IMMP1L: variants seen among roughly 807,000 people sequenced by gnomAD.
IMMP1L encodes inner mitochondrial membrane peptidase subunit 1, also known as mitochondrial inner membrane protease subunit 1.
In IMMP1L, 24 loss-of-function variants were observed where a neutral mutation model predicts 21.8. That is an observed-to-expected ratio of 1.10 (90% CI 0.80 to 1.55). The LOEUF is 1.55. IMMP1L is among the 40% of genes most tolerant of loss of function. The pLI is 0.00. For missense variants in IMMP1L, 195 were observed against 200.7 expected (o/e 0.97, Z 0.17); for synonymous variants, 46 against 62.8 (o/e 0.73, Z 1.26).
Position 31,467,527 on chromosome 11 carries a change from GACA to G in IMMP1L, c.-29-4225_-29-4223del, listed in dbSNP as rs1012806692. Among the ~76,000 whole-genome samples the G allele has an allele frequency of 3.3e-5, 5 of 152,068 alleles. No homozygotes were observed. In the Middle Eastern group the frequency reaches 0.01, roughly 310 times the overall value. ...GTAATTGATAATACATTAAATTTGA[GACA>G]ACATAAGCCTAAAAATAGTAACAGT... On this transcript the variant is annotated intron_variant, in intron 1 of 5. Transcript: ENST00000532287.
chr11:31,456,376 C>A lies in IMMP1L; in HGVS notation c.205G>T (p.Val69Leu). The change falls in exon 4 of 6, where the codon GTG becomes TTG. Residue 69 changes from valine (V) to leucine (L), a missense_variant. Val to Leu is a conservative substitution (Grantham distance 32). Coordinates refer to ENST00000532287, the MANE Select transcript of IMMP1L (RefSeq NM_001304274.2). ...HFYGIQRGDI[V>L]IAKSPSDPKS... is the part of the protein sequence containing the mutation. ...GGATCACTTGGGCTTTTTGCAATCA[C>A]AATGTCACCTCTGAGGGGGAAAAGT... 1 of 1,611,200 alleles carries A rather than the reference C, an allele frequency of 6.2e-7. No individual in the cohort carries two copies. Among genetic ancestry groups the A allele is most frequent in the Non-Finnish European group, 8.5e-7 (1 of 1,178,052 alleles).
chr11:31,508,018 G>A (rs1375272809), intron 1 of IMMP1L, among the ~76,000 whole-genome samples: 1 of 152,064 alleles, frequency 6.6e-6, no homozygotes, highest in East Asian at 1.9e-4. Context: ...TGTAGGGGTG[G>A]GGGGACAGAG....
At chr11:31,448,245 G>A (rs772512665) in intron 4 of IMMP1L, among the ~76,000 whole-genome samples, 19 of 152,290 alleles carry the variant, frequency 1.2e-4, no homozygotes, top group Non-Finnish European at 2.4e-4. Flanking sequence ...GAAGGCAGAG[G>A]TTGCAGTGAG....
At chr11:31,484,020 T>C (rs181126812) in intron 1 of IMMP1L, among the ~76,000 whole-genome samples, 1 of 152,022 alleles carries the variant, frequency 6.6e-6, no homozygotes, top group East Asian at 1.9e-4. Context: ...TTATAGTTTG[T>C]TTAATTTGTA....
chr11:31,453,491 G>T (rs1288874854), intron 4 of IMMP1L, among the ~76,000 whole-genome samples: 1 of 152,176 alleles, frequency 6.6e-6, no homozygotes, highest in African/African-American at 2.4e-5. Context: ...GCAGAGGTAA[G>T]GGGAAGAAAC....
rs188833242 is a variant in IMMP1L at position 31,495,574 on chromosome 11, C to T, written c.-30+13945G>A. Among the ~76,000 whole-genome samples, 88 of 152,286 alleles carry T rather than the reference C, an allele frequency of 5.8e-4. 1 individual carries two copies. Among genetic ancestry groups the T allele is most frequent in the African/African-American group, 7.7e-4 (32 of 41,564 alleles). On this transcript the variant is annotated intron_variant, in intron 1 of 5. Coordinates refer to ENST00000532287, the MANE Select transcript of IMMP1L (RefSeq NM_001304274.2). ...TACACTCATGGCGAAAGGACTTACACGCTGATTTCAAATGTTGATATTATT... is the reference window on the plus strand; with the variant it reads ...TACACTCATGGCGAAAGGACTTACATGCTGATTTCAAATGTTGATATTATT...
intron 4 of IMMP1L, among the ~76,000 whole-genome samples, chr11:31,439,063 A>AT (rs1953225068): frequency 6.6e-6 from 1 of 151,894 alleles, no homozygotes; most frequent in Admixed American, 6.6e-5. Flanking sequence ...TATGTAATAT[A>AT]TTTTTTCTCT....
intron 1 of IMMP1L, chr11:31,477,019 T>TTA (rs1445749560): frequency 1.9e-4 from 29 of 152,124 alleles, no homozygotes; most frequent in Non-Finnish European, 1.2e-4. Context: ...CTCTATACTT[T>TTA]TATATATTAA....
chr11:31,461,565 A>G (rs1396612144), intron 2 of IMMP1L, among the ~76,000 whole-genome samples: 1 of 152,204 alleles, frequency 6.6e-6, no homozygotes, highest in African/African-American at 2.4e-5. Flanking sequence ...CAAATGGTAA[A>G]TTCCATACCT....
chr11:31,494,173 C>T (rs1955350930), intron 1 of IMMP1L, among the ~76,000 whole-genome samples: 1 of 152,242 alleles, frequency 6.6e-6, no homozygotes, highest in Non-Finnish European at 1.5e-5. Context: ...TCCACAAGTG[C>T]TCCACCCCTG....
chr11:31,509,543 AC>A lies in IMMP1L; in HGVS notation c.-55del, dbSNP rs1431457536. 1.1e-5 allele frequency: 6 copies of A among 563,702 alleles called. No individual in the cohort carries two copies. The highest frequency in any genetic ancestry group is 1.9e-5 in the Non-Finnish European group (6 of 314,242). 34.9% of individuals were successfully genotyped at this position (563,702 alleles called of 1,614,324 possible). A position where few individuals can be genotyped will look rare whatever the true frequency, so the allele number is the denominator to read the frequency against. ...CCTCGGGCCCCAAAGAACCCTGGAGACCCTCAACCAGGACACAGGTGGGCCT... is the reference window on the plus strand; with the variant it reads ...CCTCGGGCCCCAAAGAACCCTGGAGACCTCAACCAGGACACAGGTGGGCCT... On this transcript the variant is annotated 5_prime_UTR_variant, in exon 1 of 6. Coordinates refer to ENST00000532287, the MANE Select transcript of IMMP1L (RefSeq NM_001304274.2).
intron 4 of IMMP1L, among the ~76,000 whole-genome samples, chr11:31,441,615 T>A: frequency 6.6e-6 from 1 of 152,122 alleles, no homozygotes; most frequent in African/African-American, 2.4e-5. Flanking sequence ...TTAAACACAG[T>A]TATTGTCTGT....
chr11:31,456,543 C>T (rs953504763), intron 3 of IMMP1L, among the ~76,000 whole-genome samples, 157 bp from the exon 4 acceptor site: 2 of 152,074 alleles, frequency 1.3e-5, no homozygotes, highest in Admixed American at 6.5e-5. Flanking sequence ...CTTTGAGAAC[C>T]TTTGTGACTG....
intron 1 of IMMP1L, among the ~76,000 whole-genome samples, chr11:31,503,367 A>C (rs1955683094): frequency 6.6e-6 from 1 of 152,198 alleles, no homozygotes; most frequent in Non-Finnish European, 1.5e-5. Flanking sequence ...TAGCAAATCA[A>C]AATGAAGGAA....
chr11:31,476,827 A>G (rs1233392195), intron 1 of IMMP1L, among the ~76,000 whole-genome samples: 19 of 152,060 alleles, frequency 1.2e-4, no homozygotes, highest in Admixed American at 1.2e-3. Context: ...GTTAGAAAAA[A>G]ATATTAAAAT....
chr11:31,467,143 G>A (rs1300571524), intron 1 of IMMP1L, among the ~76,000 whole-genome samples: 6 of 152,038 alleles, frequency 3.9e-5, no homozygotes, highest in African/African-American at 1.2e-4. Context: ...TAGTAAAAGT[G>A]AGCAAATATT....
chr11:31,452,453 C>T (rs1953788744), intron 4 of IMMP1L: 2 of 985,344 alleles, frequency 2.0e-6, no homozygotes, highest in Non-Finnish European at 2.4e-6. Flanking sequence ...CTGTGCAAAC[C>T]AATAGGAGAA....
At chr11:31,477,028 A>G (rs1954751004) in intron 1 of IMMP1L, 1 of 152,118 alleles carries the variant, frequency 6.6e-6, no homozygotes, top group Admixed American at 6.6e-5. Context: ...TTTATATATT[A>G]AAATCATATA....
chr11:31,439,178 G>GA (rs1031459626), intron 4 of IMMP1L, among the ~76,000 whole-genome samples: 5 of 151,860 alleles, frequency 3.3e-5, no homozygotes, highest in African/African-American at 9.7e-5. Flanking sequence ...GACAAAATTG[G>GA]AAAAAAATGT....
Sources: allele counts gnomAD v4.1 joint callset (sites outside exome capture counted in the v4.1 genomes callset), GRCh38; gene constraint gnomAD v4.1.1; transcripts MANE v1.5; gene names NCBI Gene and HGNC (gene_info 2026-07-23, HGNC 2026-07-21).